Variants in FAS observed in about 807,000 individuals in gnomAD.
FAS encodes Fas cell surface death receptor, also known as tumor necrosis factor receptor superfamily member 6.
FAS carries 5 observed loss-of-function variants against 33.2 expected under a neutral mutation model. That is an observed-to-expected ratio of 0.15 (90% CI 0.08 to 0.32). FAS has a LOEUF of 0.32. Among genes scored for constraint, FAS ranks in the 10% least tolerant of loss-of-function variants. The pLI, the probability that FAS is intolerant of heterozygous loss-of-function variation, is 1.00. For synonymous variants in FAS, 131 were observed against 130.7 expected (o/e 1.00, Z -0.01); for missense variants, 339 against 386.0 (o/e 0.88, Z 1.02).
chr10:89,003,250 C>T, intron 2 of FAS, 56 bp downstream of exon 2: 1 of 1,588,560 alleles, frequency 6.3e-7, no homozygotes, highest in Non-Finnish European at 8.6e-7. Context: ...AGGAGTAGCA[C>T]ATAGTAATCA....
rs2119448412 is a variant in FAS at position 89,014,384 on chromosome 10, C to T, written c.942C>T (p.Ile314=). Residue 314 remains isoleucine (I), a synonymous_variant, in exon 9 of 9, where the codon ATC becomes ATT. Transcript: ENST00000652046. The part of the protein sequence containing the change: ...CTLAEKIQTI[I]LKDITSDSEN... ...TTGCAGAGAAAATTCAGACTATCATCCTCAAGGACATTACTAGTGACTCAG... is the reference window on the plus strand; with the variant it reads ...TTGCAGAGAAAATTCAGACTATCATTCTCAAGGACATTACTAGTGACTCAG... 6.2e-7 allele frequency: 1 copy of T among 1,613,478 alleles called. No homozygotes were observed. The highest frequency in any genetic ancestry group is 1.7e-5 in the Admixed American group (1 of 60,028).
intron 1 of FAS, among the ~76,000 whole-genome samples, chr10:88,997,674 G>A (rs1168525924): frequency 6.6e-6 from 1 of 152,140 alleles, no homozygotes; most frequent in Non-Finnish European, 1.5e-5. Flanking sequence ...AGATATATTA[G>A]AGATGCATTA....
chr10:89,009,587 A>G (rs541147172), intron 4 of FAS, among the ~76,000 whole-genome samples: 15 of 152,350 alleles, frequency 9.8e-5, no homozygotes, highest in African/African-American at 3.6e-4. Context: ...TTTAGGCTAA[A>G]GAGGTTGGTT....
intron 1 of FAS, chr10:89,002,755 A>G (rs991038867): frequency 7.0e-5 from 31 of 444,336 alleles, no homozygotes; most frequent in Non-Finnish European, 1.2e-4. Context: ...CCACAAACAC[A>G]GGGCAGTAAG....
At chr10:88,978,799 T>C (rs189590075) in intron 2 of FAS, among the ~76,000 whole-genome samples, 1 of 152,324 alleles carries the variant, frequency 6.6e-6, no homozygotes, top group Admixed American at 6.5e-5. Context: ...CCACGTCTAA[T>C]GGTAATTTCT....
rs1228781141 is a variant in FAS, at chr10:88,966,583, T to G, written n.95-6599T>G. On this transcript the variant is annotated intron_variant and non_coding_transcript_variant, in intron 1 of 3. Coordinates refer to the FAS transcript ENST00000688239. Reference sequence around the variant, plus strand: ...TGAGGTAATAAGCAGAAGAGGTTGATAGTTTCACAAAAGGAAAGCATGACT... The same window carrying G: ...TGAGGTAATAAGCAGAAGAGGTTGAGAGTTTCACAAAAGGAAAGCATGACT... 2.0e-5 allele frequency among the ~76,000 whole-genome samples: 3 copies of G among 152,330 alleles called. No homozygotes were observed. The East Asian group carries it at 5.8e-4, about 29-fold the overall frequency.
At chr10:88,996,559 T>C (rs568144082) in intron 1 of FAS, among the ~76,000 whole-genome samples, 118 of 152,292 alleles carry the variant, frequency 7.7e-4, no homozygotes, top group African/African-American at 2.7e-3. Context: ...AACAATGTAT[T>C]GTATACTTGA....
chr10:88,970,708 G>A (rs774730259), intron 1 of FAS, among the ~76,000 whole-genome samples: 6 of 152,208 alleles, frequency 3.9e-5, no homozygotes, highest in Non-Finnish European at 5.9e-5. Context: ...ATCACACACC[G>A]GGGCCTGTTG....
intron 1 of FAS, among the ~76,000 whole-genome samples, chr10:88,997,430 G>C (rs1406979562): frequency 2.0e-5 from 3 of 152,116 alleles, no homozygotes; most frequent in African/African-American, 7.2e-5. Flanking sequence ...ACTTGCAACT[G>C]TTGCTTCAAC....
chr10:89,004,797 C>T (rs1026417808), intron 2 of FAS, among the ~76,000 whole-genome samples: 1 of 152,084 alleles, frequency 6.6e-6, no homozygotes. Flanking sequence ...CCTGATCCGT[C>T]TATAAAATAT....
chr10:88,993,670 ATTTAAT>A lies in FAS; in HGVS notation c.30+2767_30+2772del, dbSNP rs931038009. Among the ~76,000 whole-genome samples the A allele has an allele frequency of 1.1e-3, 160 of 152,360 alleles. 1 individual carries two copies. The highest frequency in any genetic ancestry group is 3.6e-3 in the African/African-American group (151 of 41,588). On this transcript the variant is annotated intron_variant, in intron 1 of 8. Coordinates refer to ENST00000652046, the MANE Select transcript of FAS (RefSeq NM_000043.6). Reference sequence around the variant, plus strand: ...TTTGTGGGGAAAATAAAGAACAGTTATTTAATTTGTAATTTAATCATTTTTCTTAAA... The same window carrying A: ...TTTGTGGGGAAAATAAAGAACAGTTATTGTAATTTAATCATTTTTCTTAAA...
chr10:88,990,186 T>C (rs2234768), upstream of FAS, among the ~76,000 whole-genome samples: 13,377 of 152,298 alleles, frequency 0.088, 765 homozygotes, highest in Non-Finnish European at 0.12. The surrounding 1 kb of genome is among the most constrained non-coding windows in gnomAD (Gnocchi z 4.9). Context: ...CTTTTTCATA[T>C]GGTTAACTGT....
intron 1 of FAS, among the ~76,000 whole-genome samples, chr10:89,000,892 CA>C (rs1319331713): frequency 4.5e-5 from 6 of 134,674 alleles, no homozygotes; most frequent in African/African-American, 1.0e-4. Flanking sequence ...ACTAAAAATA[CA>C]AAAAATTAGC....
chr10:89,006,108 C>T (rs1848213684), intron 2 of FAS, among the ~76,000 whole-genome samples: 1 of 152,114 alleles, frequency 6.6e-6, no homozygotes, highest in African/African-American at 2.4e-5. Context: ...ACGAAAGAAC[C>T]TGTGGTTTAC....
At chr10:88,980,799 C>A (rs914512930) in intron 2 of FAS, among the ~76,000 whole-genome samples, 2 of 152,156 alleles carry the variant, frequency 1.3e-5, no homozygotes, top group South Asian at 4.1e-4. Context: ...AATGAGGTAG[C>A]TCAATTCCAA....
intron 7 of FAS, 49 bp from the exon 8 acceptor site, chr10:89,013,294 A>G (rs956470764): frequency 1.5e-5 from 24 of 1,561,434 alleles, no homozygotes; most frequent in Non-Finnish European, 2.1e-5. Flanking sequence ...GAATATTCTA[A>G]AGATATATTT....
chr10:89,013,297 A>T, intron 7 of FAS, 46 bp from the exon 8 acceptor site: 3 of 1,567,298 alleles, frequency 1.9e-6, no homozygotes, highest in Non-Finnish European at 2.6e-6. Context: ...TATTCTAAAG[A>T]TATATTTTTA....
upstream of FAS, among the ~76,000 whole-genome samples, chr10:88,988,228 A>G (rs1015078775): frequency 2.2e-4 from 34 of 152,322 alleles, no homozygotes; most frequent in African/African-American, 7.9e-4. Flanking sequence ...GACAACTTGG[A>G]AGTACTATTA....
chr10:88,994,861 A>T (rs1215288027), intron 1 of FAS, among the ~76,000 whole-genome samples: 5 of 151,302 alleles, frequency 3.3e-5, no homozygotes, highest in Non-Finnish European at 7.4e-5. Context: ...TACTATTGAA[A>T]AAAAGCATTT....
Sources: gnomAD v4.1 joint callset for allele counts (sites outside exome capture counted in the v4.1 genomes callset) on GRCh38, gnomAD v4.1.1 for gene constraint, Gnocchi (gnomAD v3.1) non-coding constraint, MANE v1.5 for transcripts, NCBI Gene and HGNC (gene_info 2026-07-23, HGNC 2026-07-21) for gene names.